The following STOX1 variants were observed in gnomAD, a reference collection of about 807,000 sequenced individuals.
STOX1 encodes storkhead box 1.
STOX1 carries 57 observed loss-of-function variants against 74.8 expected under a neutral mutation model. The ratio of observed to expected loss-of-function variants is 0.76; its 90% CI spans 0.62 to 0.95. STOX1 has a LOEUF of 0.95. Among genes scored for constraint, STOX1 ranks in the 40% least tolerant of loss-of-function variants. The probability of loss-of-function intolerance (pLI) is 0.00; values close to 1 mark genes in which losing one functional copy is unlikely to be tolerated. For synonymous variants in STOX1, 375 were observed against 401.3 expected, an observed-to-expected ratio of 0.93 and a Z score of 0.78; for missense variants, 1,010 against 1,117.0, an observed-to-expected ratio of 0.90 and a Z score of 1.37.
At chr10:68,889,452 G>A (rs941237358) in intron 3 of STOX1, among the ~76,000 whole-genome samples, 1 of 151,972 alleles carries the variant, frequency 6.6e-6, no homozygotes, top group Admixed American at 6.5e-5. Context: ...CCCTGTACCA[G>A]GGCTTAATAA....
intron 1 of STOX1, among the ~76,000 whole-genome samples, chr10:68,845,067 T>A (rs1589219000): frequency 6.6e-6 from 1 of 151,672 alleles, no homozygotes; most frequent in Admixed American, 6.6e-5. Context: ...CTGGCCAGCT[T>A]GTCTTTTTAA....
chr10:68,882,105 A>G lies in STOX1; in HGVS notation c.458A>G (p.Tyr153Cys), dbSNP rs761813995. Residue 153 changes from tyrosine (Y) to cysteine (C), a missense_variant, in exon 2 of 4, where the codon TAC becomes TGC. Transcript: ENST00000298596. ...CTTTTGGAGCGTTTGATGAAACATT[A>G]CCCAGGTAGAGTAATAAATTTTTGT... ...ESLLERLMKH[Y>C]PGIAIPSEDI... The G allele has an allele frequency of 2.5e-6, 4 of 1,613,634 alleles. No homozygotes were observed. The East Asian group carries it at 8.9e-5, about 36-fold the overall frequency.
chr10:68,886,314 G>A lies in STOX1; in HGVS notation c.2518G>A (p.Val840Ile). The A allele has an allele frequency of 1.2e-6, 2 of 1,614,162 alleles. No homozygotes were observed. The highest frequency in any genetic ancestry group is 1.7e-6 in the Non-Finnish European group (2 of 1,180,032). Residue 840 changes from valine to isoleucine, a missense_variant, in exon 3 of 4, where the codon GTT (valine) becomes ATT (isoleucine). Physicochemically the swap from Val to Ile is conservative, Grantham distance 29 (BLOSUM62 3). Coordinates refer to ENST00000298596, the MANE Select transcript of STOX1 (RefSeq NM_152709.5). Reference sequence around the variant, plus strand: ...TTTTAACTACGAAGAAGAACCCAGTGTTGCTAAATGTGTACAGGCCTCAGC... The same window carrying A: ...TTTTAACTACGAAGAAGAACCCAGTATTGCTAAATGTGTACAGGCCTCAGC... ...FGFNYEEEPS[V>I]AKCVQASAPA...
intron 1 of STOX1, among the ~76,000 whole-genome samples, chr10:68,836,111 C>G (rs1280955110): frequency 1.3e-5 from 2 of 152,056 alleles, no homozygotes. Flanking sequence ...ACCTTGTGAT[C>G]CACCTGCCTC....
Position 68,851,312 on chromosome 10 carries a change from A to G in STOX1, c.310+23379A>G, listed in dbSNP as rs577396617. On this transcript the variant is annotated intron_variant, in intron 1 of 3. Coordinates refer to ENST00000298596, the MANE Select transcript of STOX1 (RefSeq NM_152709.5). ...AGTGAGACTTTCTAAAAAAAAAAAA[A>G]AAAAGAAAAAAGAGTGGAGAAAGGG... Among the ~76,000 whole-genome samples, 17 of 151,958 alleles carry G rather than the reference A, an allele frequency of 1.1e-4. No individual in the cohort carries two copies. In the South Asian group the frequency reaches 1.9e-3, roughly 17 times the overall value.
At chr10:68,828,773 G>A (rs1839331791) in intron 1 of STOX1, among the ~76,000 whole-genome samples, 1 of 152,134 alleles carries the variant, frequency 6.6e-6, no homozygotes, top group Non-Finnish European at 1.5e-5. Flanking sequence ...GTCTTGGGTC[G>A]GGACCTAGCA....
At position 68,885,428 on chromosome 10, in the gene STOX1, T is replaced by C; in HGVS notation, c.1632T>C (p.Asp544=). Residue 544 remains aspartate, a synonymous_variant, in exon 3 of 4, where the codon GAT becomes GAC. Coordinates refer to ENST00000298596, the MANE Select transcript of STOX1 (RefSeq NM_152709.5). ...CCTTGGATTCCTCAAGAATCTTTGATGGTAAAGCCAAAGAGCCATATGCTG... is the reference window on the plus strand; with the variant it reads ...CCTTGGATTCCTCAAGAATCTTTGACGGTAAAGCCAAAGAGCCATATGCTG... The part of the protein sequence containing the change: ...PRSLDSSRIF[D]GKAKEPYAEQ... 2.5e-6 allele frequency: 4 copies of C among 1,614,144 alleles called. No homozygotes were observed. Among genetic ancestry groups the C allele is most frequent in the Non-Finnish European group, 3.4e-6 (4 of 1,180,022 alleles).
intron 1 of STOX1, among the ~76,000 whole-genome samples, chr10:68,866,206 G>A (rs1474883247): frequency 6.6e-6 from 1 of 152,008 alleles, no homozygotes. Flanking sequence ...GTCCCAGGTT[G>A]TCCATTGGGC....
intron 1 of STOX1, among the ~76,000 whole-genome samples, chr10:68,831,949 G>C (rs550905507): frequency 6.7e-5 from 10 of 149,938 alleles, no homozygotes; most frequent in African/African-American, 2.2e-4. Flanking sequence ...TTTTTAAGTG[G>C]AGACAGGGCC....
intron 1 of STOX1, among the ~76,000 whole-genome samples, chr10:68,850,029 TG>T (rs890006158): frequency 6.6e-6 from 1 of 152,156 alleles, no homozygotes; most frequent in Non-Finnish European, 1.5e-5. Context: ...TTTTTGTTTT[TG>T]TTTTGAGATG....
chr10:68,846,161 A>ATTATTT (rs1284069687), intron 1 of STOX1, among the ~76,000 whole-genome samples: 2 of 136,024 alleles, frequency 1.5e-5, no homozygotes, highest in Non-Finnish European at 3.2e-5. Flanking sequence ...TATTATTATT[A>ATTATTT]TTTGAGACGG....
intron 1 of STOX1, among the ~76,000 whole-genome samples, chr10:68,835,857 T>A (rs909839120): frequency 2.6e-5 from 4 of 152,172 alleles, no homozygotes; most frequent in Admixed American, 2.0e-4. Context: ...CTGTGGTTAG[T>A]GAAGAAAATT....
At chr10:68,865,889 T>C (rs1840391276) in intron 1 of STOX1, among the ~76,000 whole-genome samples, 3 of 152,184 alleles carry the variant, frequency 2.0e-5, no homozygotes, top group Non-Finnish European at 4.4e-5. Context: ...CAGCAGCCAC[T>C]GTTCTATCCA....
At position 68,858,522 on chromosome 10, in the gene STOX1, T is replaced by C. The variant is rs1022332758; in HGVS notation, c.311-23436T>C. ...ATGCTTCTTAGTAAAACTACATTTA[T>C]GTGAATTGTATCCCTGAAGTGGCTT... On this transcript the variant is annotated intron_variant, in intron 1 of 3. Coordinates refer to ENST00000298596, the MANE Select transcript of STOX1 (RefSeq NM_152709.5). Among the ~76,000 whole-genome samples the C allele has an allele frequency of 2.0e-5, 3 of 152,300 alleles. No individual in the cohort carries two copies. The South Asian group carries it at 6.2e-4, about 32-fold the overall frequency.
chr10:68,881,869 T>G, intron 1 of STOX1, 89 bp from the exon 2 acceptor site: 2 of 1,451,202 alleles, frequency 1.4e-6, no homozygotes, highest in Non-Finnish European at 1.9e-6. Flanking sequence ...TACCTATTAG[T>G]CTTTATTTTT....
chr10:68,856,031 C>CAGTCAGTCTGAATTCAGA (rs1840118255), intron 1 of STOX1, among the ~76,000 whole-genome samples: 1 of 152,060 alleles, frequency 6.6e-6, no homozygotes, highest in Non-Finnish European at 1.5e-5. Flanking sequence ...GTGTACTCAG[C>CAGTCAGTCTGAATTCAGA]AGTCAGTCTG....
chr10:68,852,432 G>A (rs542308880), intron 1 of STOX1, among the ~76,000 whole-genome samples: 1 of 150,668 alleles, frequency 6.6e-6, no homozygotes, highest in African/African-American at 2.4e-5. Context: ...CTAATTTTTT[G>A]TATTTTTAGT....
intron 1 of STOX1, among the ~76,000 whole-genome samples, chr10:68,839,062 T>TA (rs1839630548): frequency 6.6e-6 from 1 of 152,216 alleles, no homozygotes; most frequent in Non-Finnish European, 1.5e-5. Context: ...TCATCCCATA[T>TA]CCATGGATTG....
chr10:68,885,268 A>G lies in STOX1; in HGVS notation c.1472A>G (p.Lys491Arg). 6.2e-7 allele frequency: 1 copy of G among 1,614,254 alleles called. No homozygotes were observed. The highest frequency in any genetic ancestry group is 1.1e-5 in the South Asian group (1 of 91,080). ...TVLGSHLIYK[K>R]RISNPFQGLS... Reference sequence around the variant, plus strand: ...CTAGGTTCCCATTTGATTTACAAAAAGCGAATCAGTAATCCTTTCCAGGGT... The same window carrying G: ...CTAGGTTCCCATTTGATTTACAAAAGGCGAATCAGTAATCCTTTCCAGGGT... Residue 491 changes from lysine (K) to arginine (R), a missense_variant, in exon 3 of 4, where the codon AAG becomes AGG. Lys to Arg is a conservative substitution (Grantham distance 26, BLOSUM62 2). Coordinates refer to ENST00000298596, the MANE Select transcript of STOX1 (RefSeq NM_152709.5).
Sources: allele counts gnomAD v4.1 joint callset (sites outside exome capture counted in the v4.1 genomes callset), GRCh38; gene constraint gnomAD v4.1.1; transcripts MANE v1.5; gene names NCBI Gene and HGNC (gene_info 2026-07-23, HGNC 2026-07-21).